Variants in TRIO observed in about 807,000 individuals in gnomAD.
The protein encoded by TRIO is trio Rho guanine nucleotide exchange factor, also known as triple functional domain protein.
A neutral mutation model predicts 351.9 loss-of-function variants in TRIO; 58 were observed. That is an observed-to-expected ratio of 0.16 (90% confidence interval 0.13 to 0.21). The LOEUF is 0.21. TRIO is among the 10% of genes least tolerant of loss of function. TRIO has a pLI of 1.00. For missense variants in TRIO, 3,201 were observed against 4,027.8 expected (o/e 0.79, Z 5.56); for synonymous variants, 1,758 against 1,595.7 (o/e 1.10, Z -2.42).
chr5:14,504,561 G>A lies in TRIO; in HGVS notation c.8580G>A (p.Glu2860=), dbSNP rs1450954633. 15 of 1,614,078 alleles carry A rather than the reference G, an allele frequency of 9.3e-6. No individual in the cohort carries two copies. The highest frequency in any genetic ancestry group is 1.3e-5 in the Non-Finnish European group (15 of 1,180,026). ...PLLVGLLDTF[E]TPTSYILVLE... ...TTGTCGGCCTCCTCGACACCTTTGA[G>A]ACCCCCACCAGCTACATCCTGGTCT... is the stretch of plus-strand genomic sequence containing the variant. The change falls in exon 55 of 57, where the codon GAG becomes GAA. Residue 2860 remains glutamate, a synonymous_variant. Transcript: ENST00000344204.
intron 30 of TRIO, among the ~76,000 whole-genome samples, chr5:14,400,114 C>T (rs754409928): frequency 6.6e-6 from 1 of 152,106 alleles, no homozygotes; most frequent in Non-Finnish European, 1.5e-5. Flanking sequence ...GGCTTGTGTT[C>T]TGTTTGAGAT....
chr5:14,264,939 C>T (rs976837691), intron 1 of TRIO, among the ~76,000 whole-genome samples: 1 of 152,164 alleles, frequency 6.6e-6, no homozygotes, highest in Admixed American at 6.5e-5. Context: ...GAGTAAAATT[C>T]GGTAATTACC....
intron 40 of TRIO, among the ~76,000 whole-genome samples, chr5:14,476,317 C>G (rs1194845684): frequency 2.0e-5 from 3 of 152,170 alleles, no homozygotes; most frequent in African/African-American, 7.2e-5. Context: ...TGTTTGTTAT[C>G]CAAAGACCAG....
At chr5:14,234,685 T>G (rs756242526) in intron 1 of TRIO, among the ~76,000 whole-genome samples, 6 of 152,380 alleles carry the variant, frequency 3.9e-5, no homozygotes, top group Non-Finnish European at 8.8e-5. Context: ...CTTTAATGAT[T>G]GCGGATTGTG....
intron 34 of TRIO, among the ~76,000 whole-genome samples, chr5:14,448,063 G>A (rs1410252274): frequency 1.3e-5 from 2 of 152,174 alleles, no homozygotes; most frequent in Non-Finnish European, 2.9e-5. Context: ...GGAGAACTTC[G>A]GTATCCCTCA....
chr5:14,214,963 A>G (rs1412957903), intron 1 of TRIO, among the ~76,000 whole-genome samples: 1 of 152,230 alleles, frequency 6.6e-6, no homozygotes, highest in Non-Finnish European at 1.5e-5. Context: ...TAAAAACTTG[A>G]CTTGGAGGAA....
chr5:14,361,752 TC>T (rs1412601433), intron 13 of TRIO, among the ~76,000 whole-genome samples: 3 of 152,342 alleles, frequency 2.0e-5, no homozygotes, highest in Middle Eastern at 6.8e-3. Context: ...AAAATGTCAC[TC>T]CACTGAAGTG....
At chr5:14,389,426 T>TA (rs1324215556) in intron 25 of TRIO, 28 bp downstream of exon 25, 1 of 1,530,388 alleles carries the variant, frequency 6.5e-7, no homozygotes, top group Admixed American at 1.8e-5. Context: ...TGGGAGCAGT[T>TA]ACGCTTGAAA....
At chr5:14,227,336 G>A (rs1329184866) in intron 1 of TRIO, among the ~76,000 whole-genome samples, 3 of 152,162 alleles carry the variant, frequency 2.0e-5, no homozygotes, top group East Asian at 3.8e-4. Context: ...GGAAAAACTC[G>A]ACGTTTGTGA....
In TRIO at chr5:14,233,184, A is replaced by G. The variant is rs373944287; in HGVS notation, c.158-37641A>G. On this transcript the variant is annotated intron_variant, in intron 1 of 56. Transcript: ENST00000344204. The stretch of plus-strand genomic sequence containing the variant: ...ATCATCTTGAAATGATGGGCTGCTG[A>G]AGGGTCTTAAAGAATCATGGGTACA... 3.9e-3 allele frequency among the ~76,000 whole-genome samples: 598 copies of G among 152,128 alleles called. 1 individual carries two copies. Among genetic ancestry groups the G allele is most frequent in the Non-Finnish European group, 6.5e-3 (445 of 67,988 alleles).
intron 10 of TRIO, among the ~76,000 whole-genome samples, chr5:14,333,823 C>T (rs1741143516): frequency 6.6e-6 from 1 of 152,140 alleles, no homozygotes; most frequent in Non-Finnish European, 1.5e-5. Flanking sequence ...CCTGGCCTGG[C>T]CTTACCTTAT....
intron 34 of TRIO, among the ~76,000 whole-genome samples, chr5:14,432,178 A>G (rs1362821341): frequency 6.6e-6 from 1 of 152,220 alleles, no homozygotes. Context: ...AGATACCCTC[A>G]TGACAACGTA....
At chr5:14,317,916 C>T (rs1739512565) in intron 9 of TRIO, among the ~76,000 whole-genome samples, 1 of 152,086 alleles carries the variant, frequency 6.6e-6, no homozygotes, top group Non-Finnish European at 1.5e-5. Flanking sequence ...CACCTGAGGT[C>T]AGGAATTCGA....
chr5:14,455,045 C>T lies in TRIO; in HGVS notation c.5204-5974C>T, dbSNP rs561642024. On this transcript the variant is annotated intron_variant, in intron 34 of 56. Transcript: ENST00000344204. ...CCGGTGGGTTCGTGGTCTCGCTGGC[C>T]TCAGGAGTGAAGCTGCAGACCTTCG... Among the ~76,000 whole-genome samples, 17 of 150,324 alleles carry T rather than the reference C, an allele frequency of 1.1e-4. No homozygotes were observed. The East Asian group carries it at 1.8e-3, about 16-fold the overall frequency.
At chr5:14,418,084 C>A (rs1028070755) in intron 33 of TRIO, among the ~76,000 whole-genome samples, 7 of 152,184 alleles carry the variant, frequency 4.6e-5, no homozygotes, top group Non-Finnish European at 1.0e-4. Flanking sequence ...CTGTGGCTCA[C>A]TTCAGAATTG....
chr5:14,323,576 C>A (rs1367920495), intron 9 of TRIO, among the ~76,000 whole-genome samples: 1 of 152,204 alleles, frequency 6.6e-6, no homozygotes, highest in East Asian at 1.9e-4. Flanking sequence ...GGAAAAGGAG[C>A]TCCCATGACC....
At chr5:14,163,077 C>T (rs1021804061) in intron 1 of TRIO, among the ~76,000 whole-genome samples, 4 of 152,110 alleles carry the variant, frequency 2.6e-5, no homozygotes, top group African/African-American at 2.4e-5. Flanking sequence ...ATACACATGC[C>T]GTGGTGGTTT....
chr5:14,289,788 G>C (rs1166398204), intron 4 of TRIO, among the ~76,000 whole-genome samples: 1 of 152,054 alleles, frequency 6.6e-6, no homozygotes, highest in Admixed American at 6.6e-5. Flanking sequence ...GGCAGAGGTT[G>C]CAGTAAGCTG....
intron 42 of TRIO, 124 bp from the exon 43 acceptor site, chr5:14,479,795 C>G: frequency 1.2e-6 from 1 of 802,890 alleles, no homozygotes; most frequent in South Asian, 1.9e-5. Flanking sequence ...TCTAGTTAGT[C>G]TAGTGCTTTT....
Sources: allele counts gnomAD v4.1 joint callset (sites outside exome capture counted in the v4.1 genomes callset), GRCh38; gene constraint gnomAD v4.1.1; transcripts MANE v1.5; gene names NCBI Gene and HGNC (gene_info 2026-07-23, HGNC 2026-07-21).